The following AGBL1 variants were observed in gnomAD, a reference collection of about 807,000 sequenced individuals.
AGBL1 encodes the protein cytosolic carboxypeptidase 4.
A neutral mutation model predicts 118.9 loss-of-function variants in AGBL1; 130 were observed. The observed-to-expected ratio is 1.09, with a 90% CI of 0.95 to 1.26. The LOEUF is 1.26. Ranked by LOEUF, AGBL1 falls within the 50% of genes most tolerant of loss-of-function variation. AGBL1 has a pLI of 0.00. For missense variants in AGBL1, 1,584 were observed against 1,298.1 expected, an observed-to-expected ratio of 1.22 and a Z score of -3.38; for synonymous variants, 555 against 478.9, an observed-to-expected ratio of 1.16 and a Z score of -2.08.
chr15:86,239,715 C>A (rs984948766), intron 6 of AGBL1, among the ~76,000 whole-genome samples: 2 of 152,152 alleles, frequency 1.3e-5, no homozygotes, highest in African/African-American at 4.8e-5. Context: ...TGAGAGGGAA[C>A]AGAGAAGTTG....
At chr15:86,660,221 T>C (rs1237074395) in intron 21 of AGBL1, among the ~76,000 whole-genome samples, 1 of 151,936 alleles carries the variant, frequency 6.6e-6, no homozygotes, top group Admixed American at 6.6e-5. Flanking sequence ...TCTGAAAAGA[T>C]CTACAGGGGC....
chr15:86,527,996 T>C (rs1483212404), intron 19 of AGBL1, among the ~76,000 whole-genome samples: 2 of 152,142 alleles, frequency 1.3e-5, no homozygotes, highest in South Asian at 2.1e-4. Flanking sequence ...ATGTAGGCAG[T>C]CATTCATTTC....
At chr15:86,112,091 AT>A (rs1387969554) in intron 1 of AGBL1, among the ~76,000 whole-genome samples, 1 of 152,142 alleles carries the variant, frequency 6.6e-6, no homozygotes, top group Non-Finnish European at 1.5e-5. Flanking sequence ...CTGATTCTAC[AT>A]TATGGGGAGT....
chr15:86,559,063 C>T (rs561846972), intron 21 of AGBL1, among the ~76,000 whole-genome samples: 7 of 152,184 alleles, frequency 4.6e-5, no homozygotes, highest in Non-Finnish European at 7.4e-5. Context: ...GGTTTGTCAA[C>T]GCATCACTAC....
chr15:86,125,510 A>G (rs143102335), intron 1 of AGBL1, among the ~76,000 whole-genome samples: 1 of 152,312 alleles, frequency 6.6e-6, no homozygotes, highest in African/African-American at 2.4e-5. Flanking sequence ...CCCTTCATCC[A>G]TGGCTAAATG....
intron 22 of AGBL1, among the ~76,000 whole-genome samples, chr15:86,898,543 A>G (rs1257462110): frequency 6.6e-6 from 1 of 152,202 alleles, no homozygotes; most frequent in Non-Finnish European, 1.5e-5. Context: ...TAAAAAATGG[A>G]CAACTGGGAT....
Position 86,861,032 on chromosome 15 carries a change from A to G in AGBL1, c.3159-46055A>G, listed in dbSNP as rs545838293. ...GCAGTTCCAAGTGATGGGCCTTCTT[A>G]AGGAGGTCGCAGGGGTCTGTTGATT... On this transcript the variant is annotated intron_variant, in intron 22 of 22. Transcript: ENST00000614907. Among the ~76,000 whole-genome samples the G allele has an allele frequency of 8.5e-5, 13 of 152,102 alleles. No homozygotes were observed. The South Asian group carries it at 2.5e-3, about 29-fold the overall frequency.
At position 86,822,232 on chromosome 15, in the gene AGBL1, G is replaced by A. The variant is rs140274296; in HGVS notation, c.3159-84855G>A. ...TCTCAGTGGAGAATCTCCTAAGTTA[G>A]AGCAATGGGTTGTTCTTGATCACAC... On this transcript the variant is annotated intron_variant, in intron 22 of 22. Transcript: ENST00000614907. Among the ~76,000 whole-genome samples, 610 of 152,192 alleles carry A rather than the reference G, an allele frequency of 4.0e-3. 19 individuals carry two copies. The highest frequency in any genetic ancestry group is 0.011 in the East Asian group (55 of 5,168).
intron 7 of AGBL1, among the ~76,000 whole-genome samples, chr15:86,255,815 G>T (rs1251534019): frequency 6.6e-6 from 1 of 152,094 alleles, no homozygotes; most frequent in Non-Finnish European, 1.5e-5. Context: ...ATATTTTGGA[G>T]TCATTTGGGT....
rs1399665275 is a variant in AGBL1 at position 87,028,930 on chromosome 15, G to C, written c.*90G>C. On this transcript the variant is annotated 3_prime_UTR_variant, in exon 25 of 25. Coordinates refer to the AGBL1 transcript ENST00000441037. The stretch of plus-strand genomic sequence containing the variant: ...GTGAGGAAATATCTGAAACCTTCAA[G>C]ATGTTGTACATGTCTTATGGAAAAT... 10 of 1,411,952 alleles carry C rather than the reference G, an allele frequency of 7.1e-6. No homozygotes were observed. In the East Asian group the frequency reaches 2.1e-4, roughly 29 times the overall value. 87.5% of individuals were successfully genotyped at this position (1,411,952 alleles called of 1,614,324 possible).
chr15:86,079,824 C>T (rs1055946994), upstream of AGBL1: 8 of 455,458 alleles, frequency 1.8e-5, no homozygotes, highest in East Asian at 3.5e-5. Context: ...AGGGTTGCAC[C>T]GCGCTGACTT....
At chr15:86,834,571 A>G (rs1012233155) in intron 22 of AGBL1, among the ~76,000 whole-genome samples, 2 of 152,162 alleles carry the variant, frequency 1.3e-5, no homozygotes, top group Non-Finnish European at 2.9e-5. Flanking sequence ...GTAAGAGGGC[A>G]TGTGTGGATC....
chr15:86,453,017 A>G lies in AGBL1; in HGVS notation c.2555+55471A>G, dbSNP rs530338786. On this transcript the variant is annotated intron_variant, in intron 18 of 22. Coordinates refer to ENST00000614907, the MANE Select transcript of AGBL1 (RefSeq NM_001386094.1). ...CCTATATGCCTTACCCTTCTTAATCATTTCCACTGCCCTTAGCCTTATGTT... is the reference window on the plus strand; with the variant it reads ...CCTATATGCCTTACCCTTCTTAATCGTTTCCACTGCCCTTAGCCTTATGTT... Among the ~76,000 whole-genome samples, 5 of 152,084 alleles carry G rather than the reference A, an allele frequency of 3.3e-5. No homozygotes were observed. The South Asian group carries it at 1.0e-3, about 32-fold the overall frequency.
At chr15:86,270,374 T>G (rs1163484765) in intron 14 of AGBL1, among the ~76,000 whole-genome samples, 1 of 152,154 alleles carries the variant, frequency 6.6e-6, no homozygotes, top group Non-Finnish European at 1.5e-5. Context: ...CTAAGTCCCA[T>G]AGGAGCAAAT....
intron 18 of AGBL1, among the ~76,000 whole-genome samples, chr15:86,418,719 C>T (rs1260970370): frequency 6.6e-6 from 1 of 152,194 alleles, no homozygotes; most frequent in African/African-American, 2.4e-5. Flanking sequence ...ACCCCAGCTC[C>T]TGACTTAGGA....
chr15:86,839,713 G>T (rs961290343), intron 22 of AGBL1, among the ~76,000 whole-genome samples: 1 of 152,020 alleles, frequency 6.6e-6, no homozygotes, highest in African/African-American at 2.4e-5. Context: ...TACCAAAATT[G>T]CCTCCTGTCA....
At chr15:86,795,085 A>T (rs1262975103) in intron 22 of AGBL1, among the ~76,000 whole-genome samples, 1 of 152,246 alleles carries the variant, frequency 6.6e-6, no homozygotes, top group Admixed American at 6.5e-5. Flanking sequence ...CAGCTGAAAA[A>T]AGTGGCTATC....
intron 17 of AGBL1, among the ~76,000 whole-genome samples, chr15:86,377,301 A>G (rs926103041): frequency 6.6e-6 from 1 of 152,244 alleles, no homozygotes; most frequent in African/African-American, 2.4e-5. Flanking sequence ...AGTCACTCAC[A>G]TGGCATGTCT....
intron 23 of AGBL1, among the ~76,000 whole-genome samples, chr15:86,921,969 T>C (rs1351144111): frequency 2.0e-5 from 3 of 152,324 alleles, no homozygotes; most frequent in East Asian, 3.9e-4. Context: ...CTCTGCTTCC[T>C]GCACAGGTCT....
Sources: gnomAD v4.1 joint callset for allele counts (sites outside exome capture counted in the v4.1 genomes callset) on GRCh38, gnomAD v4.1.1 for gene constraint, MANE v1.5 for transcripts, NCBI Gene and HGNC (gene_info 2026-07-23, HGNC 2026-07-21) for gene names.